AGK: variants seen among roughly 807,000 people sequenced by gnomAD.
AGK encodes the protein acylglycerol kinase, also known as acylglycerol kinase, mitochondrial.
A neutral mutation model predicts 66.4 loss-of-function variants in AGK; 52 were observed. That is an observed-to-expected ratio of 0.78 (90% CI 0.63 to 0.99). AGK has a LOEUF of 0.99. Ranked by LOEUF, AGK falls within the 50% of genes least tolerant of loss-of-function variation. The pLI is 0.00. For missense variants in AGK, 451 were observed against 506.6 expected, an observed-to-expected ratio of 0.89 and a Z score of 1.05; for synonymous variants, 182 against 181.1, an observed-to-expected ratio of 1.00 and a Z score of -0.04.
In AGK at chr7:141,641,264, A is replaced by T. The variant is rs150160397; in HGVS notation, c.743A>T (p.His248Leu). Residue 248 changes from histidine to leucine, a missense_variant, in exon 12 of 16, where the codon CAT becomes CTT. Transcript: ENST00000649286. ...FSTLKEWPQT[H>L]QASISYTGPT... The stretch of plus-strand genomic sequence containing the variant: ...CATTAAAAGGAGTGGCCTCAGACTC[A>T]TCAAGCCTCTATCTCATACACGGGA... The T allele has an allele frequency of 6.2e-7, 1 of 1,613,348 alleles. No individual in the cohort carries two copies. The highest frequency in any genetic ancestry group is 1.3e-5 in the African/African-American group (1 of 74,854).
At chr7:141,613,447 C>T (rs186050904) in intron 6 of AGK, among the ~76,000 whole-genome samples, 42 of 152,154 alleles carry the variant, frequency 2.8e-4, no homozygotes, top group East Asian at 1.2e-3. Context: ...GGCGAAACCC[C>T]GTCTCTACTA....
intron 7 of AGK, 29 bp downstream of exon 7, chr7:141,614,207 A>C: frequency 6.8e-7 from 1 of 1,460,676 alleles, no homozygotes; most frequent in South Asian, 1.4e-5. Context: ...TTGCATTTTA[A>C]CTTTTATTTT....
intron 5 of AGK, among the ~76,000 whole-genome samples, chr7:141,602,179 G>A (rs1158052623): frequency 2.0e-5 from 3 of 148,568 alleles, no homozygotes; most frequent in African/African-American, 7.4e-5. Context: ...TTTCTTGTGT[G>A]TGTGTGTGTG....
chr7:141,556,245 C>T (rs1795207818), intron 2 of AGK, among the ~76,000 whole-genome samples: 2 of 152,052 alleles, frequency 1.3e-5, no homozygotes, highest in Non-Finnish European at 2.9e-5. Flanking sequence ...AGAGGGGTGA[C>T]TTTGAATAGA....
At chr7:141,642,906 T>G (rs921842637) in intron 13 of AGK, among the ~76,000 whole-genome samples, 2 of 152,208 alleles carry the variant, frequency 1.3e-5, no homozygotes, top group Admixed American at 6.5e-5. Flanking sequence ...AGAAAAAGTT[T>G]ACTGACCCTA....
chr7:141,586,092 C>A (rs1320207101), intron 2 of AGK, among the ~76,000 whole-genome samples: 4 of 152,016 alleles, frequency 2.6e-5, no homozygotes, highest in Non-Finnish European at 5.9e-5. Context: ...TTCTGATGAC[C>A]ACACTCAGAG....
chr7:141,577,520 AAAATG>A (rs1204295647), intron 2 of AGK, among the ~76,000 whole-genome samples: 1 of 152,216 alleles, frequency 6.6e-6, no homozygotes, highest in Non-Finnish European at 1.5e-5. Context: ...AAGGGTGAGA[AAAATG>A]GAATTTATTG....
chr7:141,628,969 C>T (rs905771616), intron 9 of AGK, among the ~76,000 whole-genome samples: 2 of 152,118 alleles, frequency 1.3e-5, no homozygotes, highest in Non-Finnish European at 2.9e-5. Context: ...TAAGACCCTG[C>T]CAACCCAGAA....
chr7:141,651,416 C>A, intron 14 of AGK, 109 bp from the exon 15 acceptor site: 1 of 830,652 alleles, frequency 1.2e-6, no homozygotes. Context: ...AATAGACCAT[C>A]TGTCCACTTA....
chr7:141,613,121 A>G (rs1318879448), intron 6 of AGK, among the ~76,000 whole-genome samples: 1 of 152,232 alleles, frequency 6.6e-6, no homozygotes, highest in Admixed American at 6.5e-5. Flanking sequence ...CAAAGAAGGA[A>G]GTAGACCTCT....
intron 2 of AGK, among the ~76,000 whole-genome samples, chr7:141,573,412 GTGGGCTGAGA>G (rs1332857355): frequency 6.6e-6 from 1 of 151,900 alleles, no homozygotes; most frequent in South Asian, 2.1e-4. Flanking sequence ...CTTGGGAGTG[GTGGGCTGAGA>G]TGGGCAGCCA....
intron 15 of AGK, 117 bp downstream of exon 15, chr7:141,651,726 G>T (rs192133991): frequency 5.0e-4 from 479 of 965,802 alleles, no homozygotes; most frequent in Non-Finnish European, 6.8e-4. Flanking sequence ...CACATATTGT[G>T]TGCCAAGCAT....
intron 1 of AGK, among the ~76,000 whole-genome samples, chr7:141,554,749 T>C (rs1342323251): frequency 6.6e-6 from 1 of 152,246 alleles, no homozygotes; most frequent in East Asian, 1.9e-4. Context: ...CTCTGTTTTT[T>C]AGTAAAGTCT....
chr7:141,586,928 T>C (rs1562965583), intron 2 of AGK, among the ~76,000 whole-genome samples: 1 of 152,204 alleles, frequency 6.6e-6, no homozygotes, highest in Non-Finnish European at 1.5e-5. Flanking sequence ...TAGATCATCA[T>C]ATCCACTCTC....
chr7:141,637,412 T>C (rs1209182312), intron 11 of AGK, among the ~76,000 whole-genome samples: 1 of 152,176 alleles, frequency 6.6e-6, no homozygotes, highest in Non-Finnish European at 1.5e-5. Flanking sequence ...ATTGTACAGG[T>C]TTGTGTTTGT....
chr7:141,578,475 A>G (rs1353485807), intron 2 of AGK, among the ~76,000 whole-genome samples: 1 of 151,894 alleles, frequency 6.6e-6, no homozygotes, highest in African/African-American at 2.4e-5. Context: ...GAGGCCTGAC[A>G]TTCCTGCCTT....
chr7:141,568,657 C>T (rs568505807), intron 2 of AGK, among the ~76,000 whole-genome samples: 44 of 151,994 alleles, frequency 2.9e-4, no homozygotes, highest in African/African-American at 8.4e-4. Context: ...CTGCAACCTC[C>T]ACCTCCCAGG....
At chr7:141,596,965 C>A in intron 4 of AGK, 1 of 220,410 alleles carries the variant, frequency 4.5e-6, no homozygotes, top group Non-Finnish European at 8.9e-6. Context: ...CCATCTCTGT[C>A]CACAGGATGT....
chr7:141,618,084 T>C (rs569392776), intron 8 of AGK, among the ~76,000 whole-genome samples: 36 of 152,320 alleles, frequency 2.4e-4, no homozygotes, highest in African/African-American at 8.4e-4. Flanking sequence ...GTGTCTATCT[T>C]GGGATTTTAA....
Sources: gnomAD v4.1 joint callset for allele counts (sites outside exome capture counted in the v4.1 genomes callset) on GRCh38, gnomAD v4.1.1 for gene constraint, MANE v1.5 for transcripts, NCBI Gene and HGNC (gene_info 2026-07-23, HGNC 2026-07-21) for gene names.